CDH8: variants seen among roughly 807,000 people sequenced by gnomAD.
The protein encoded by CDH8 is cadherin-8.
A neutral mutation model predicts 68.1 loss-of-function variants in CDH8; 17 were observed. The ratio of observed to expected loss-of-function variants is 0.25; its 90% CI spans 0.17 to 0.37. The LOEUF is 0.37. Ranked by LOEUF, CDH8 falls within the 10% of genes least tolerant of loss-of-function variation. The pLI is 1.00. For synonymous variants in CDH8, 372 were observed against 365.1 expected, an observed-to-expected ratio of 1.02 and a Z score of -0.21; for missense variants, 763 against 999.3, an observed-to-expected ratio of 0.76 and a Z score of 3.19.
At chr16:61,703,160 T>C (rs1964464363) in intron 10 of CDH8, among the ~76,000 whole-genome samples, 1 of 152,216 alleles carries the variant, frequency 6.6e-6, no homozygotes, top group East Asian at 1.9e-4. Flanking sequence ...CAAGAAATTA[T>C]GTTTCTATGG....
chr16:61,958,356 TATG>T (rs766877893), intron 2 of CDH8, among the ~76,000 whole-genome samples: 4 of 152,190 alleles, frequency 2.6e-5, no homozygotes, highest in Non-Finnish European at 5.9e-5. Flanking sequence ...CCTGTACGAG[TATG>T]ATGATATGTG....
chr16:61,718,930 T>C (rs773883916), intron 9 of CDH8, among the ~76,000 whole-genome samples: 5 of 151,080 alleles, frequency 3.3e-5, no homozygotes, highest in Non-Finnish European at 5.9e-5. Flanking sequence ...AAGGGGGGAA[T>C]ATAGGTAAAT....
At chr16:61,886,583 A>T (rs1207053963) in intron 3 of CDH8, among the ~76,000 whole-genome samples, 1 of 152,224 alleles carries the variant, frequency 6.6e-6, no homozygotes, top group Non-Finnish European at 1.5e-5. Context: ...GTGCCTAAAG[A>T]TCAGTATGTT....
chr16:61,768,322 C>T (rs1287695858), intron 8 of CDH8, among the ~76,000 whole-genome samples: 1 of 70,040 alleles, frequency 1.4e-5, no homozygotes, highest in Non-Finnish European at 3.0e-5. Context: ...CTTTCTCTCT[C>T]TCTCTCTCTC....
In CDH8 at chr16:61,653,480, G is replaced by T; in HGVS notation, c.*128C>A. On this transcript the variant is annotated 3_prime_UTR_variant, in exon 12 of 12. Transcript: ENST00000577390. ...TTTTTTGGTTCAACATTAAAATGTG[G>T]TTGAGTTTATAGATGACTGGTGCTA... 1 of 1,464,980 alleles carries T rather than the reference G, an allele frequency of 6.8e-7. No homozygotes were observed. The highest frequency in any genetic ancestry group is 9.0e-7 in the Non-Finnish European group (1 of 1,108,830). 90.7% of individuals were successfully genotyped at this position (1,464,980 alleles called of 1,614,324 possible).
chr16:61,959,523 C>CCT (rs10624937), intron 2 of CDH8, among the ~76,000 whole-genome samples: 1,887 of 133,518 alleles, frequency 0.014, 19 homozygotes, highest in South Asian at 0.025. Flanking sequence ...CCTTATCCTC[C>CCT]CTCTCTCTCT....
intron 8 of CDH8, among the ~76,000 whole-genome samples, chr16:61,773,506 C>T (rs1329039746): frequency 2.6e-5 from 4 of 152,024 alleles, no homozygotes; most frequent in Non-Finnish European, 5.9e-5. Flanking sequence ...AGAAATAATA[C>T]AGATGTGAGA....
chr16:61,723,359 T>C (rs2142885886), intron 9 of CDH8, among the ~76,000 whole-genome samples: 1 of 150,786 alleles, frequency 6.6e-6, no homozygotes, highest in East Asian at 2.0e-4. Context: ...CCTCCACTCG[T>C]CCAGCCAGAT....
At chr16:61,730,670 T>C in intron 8 of CDH8, among the ~76,000 whole-genome samples, 1 of 151,790 alleles carries the variant, frequency 6.6e-6, no homozygotes, top group South Asian at 2.1e-4. Context: ...TATTTAGTTG[T>C]AGATATTTCT....
At position 61,674,135 on chromosome 16, in the gene CDH8, A is replaced by G. The variant is rs531501744; in HGVS notation, c.1655-18414T>C. 9.2e-5 allele frequency among the ~76,000 whole-genome samples: 14 copies of G among 152,278 alleles called. No homozygotes were observed. The South Asian group carries it at 1.5e-3, about 16-fold the overall frequency. On this transcript the variant is annotated intron_variant, in intron 10 of 11. Coordinates refer to ENST00000577390, the MANE Select transcript of CDH8 (RefSeq NM_001796.5). ...CAGAGAAACAAGAAAGATACACCAT[A>G]AAAGTAGAGAGAAACTAATTCTAGG...
chr16:61,908,448 T>C (rs143489304), intron 2 of CDH8, among the ~76,000 whole-genome samples: 13 of 152,334 alleles, frequency 8.5e-5, no homozygotes, highest in African/African-American at 3.1e-4. Flanking sequence ...AGCTGAAGAC[T>C]TCTCTGCATG....
chr16:61,990,049 G>T (rs1324099382), intron 2 of CDH8, among the ~76,000 whole-genome samples: 2 of 152,066 alleles, frequency 1.3e-5, no homozygotes, highest in African/African-American at 4.8e-5. Context: ...TAGAAGCAAT[G>T]TACACAATCT....
At chr16:61,980,369 C>T (rs1411393670) in intron 2 of CDH8, among the ~76,000 whole-genome samples, 1 of 152,148 alleles carries the variant, frequency 6.6e-6, no homozygotes, top group Non-Finnish European at 1.5e-5. Context: ...CTATTGCTTA[C>T]CAAGCGTGTA....
At chr16:61,694,852 G>C (rs891107547) in intron 10 of CDH8, among the ~76,000 whole-genome samples, 1 of 152,020 alleles carries the variant, frequency 6.6e-6, no homozygotes, top group African/African-American at 2.4e-5. Flanking sequence ...TGTGATCTCG[G>C]CTCACTGCAA....
intron 3 of CDH8, among the ~76,000 whole-genome samples, chr16:61,863,887 T>C (rs1310450363): frequency 1.3e-5 from 2 of 152,200 alleles, no homozygotes; most frequent in African/African-American, 2.4e-5. Flanking sequence ...TAAACATTCA[T>C]GCATCCCAAA....
At chr16:61,839,629 C>G (rs1369982132) in intron 4 of CDH8, among the ~76,000 whole-genome samples, 2 of 152,122 alleles carry the variant, frequency 1.3e-5, no homozygotes, top group Non-Finnish European at 2.9e-5. Flanking sequence ...TAGCACCCCA[C>G]AGCAGGGAAA....
chr16:61,782,787 C>T (rs2142992719), intron 8 of CDH8, among the ~76,000 whole-genome samples: 1 of 152,180 alleles, frequency 6.6e-6, no homozygotes, highest in Non-Finnish European at 1.5e-5. Context: ...GACCCCTGAC[C>T]CCTGAGCAGC....
chr16:61,740,821 T>C (rs79965586), intron 8 of CDH8, among the ~76,000 whole-genome samples: 5,009 of 152,258 alleles, frequency 0.033, 371 homozygotes, highest in East Asian at 0.24. Flanking sequence ...TTCAGTATTA[T>C]GCTATTTTGA....
At chr16:62,029,991 T>C (rs1408462446) in intron 1 of CDH8, among the ~76,000 whole-genome samples, 1 of 152,220 alleles carries the variant, frequency 6.6e-6, no homozygotes, top group African/African-American at 2.4e-5. Flanking sequence ...GAAATTGAAA[T>C]GCAGCCAACG....
Sources: allele counts gnomAD v4.1 joint callset (sites outside exome capture counted in the v4.1 genomes callset), GRCh38; gene constraint gnomAD v4.1.1; transcripts MANE v1.5; gene names NCBI Gene and HGNC (gene_info 2026-07-23, HGNC 2026-07-21).